The following TEX10 variants were observed in gnomAD, a reference collection of about 807,000 sequenced individuals.
The protein encoded by TEX10 is testis-expressed protein 10.
TEX10 carries 24 observed loss-of-function variants against 104.4 expected under a neutral mutation model. The ratio of observed to expected loss-of-function variants is 0.23; its 90% CI spans 0.17 to 0.32. The LOEUF is 0.32. Among genes scored for constraint, TEX10 ranks in the 10% least tolerant of loss-of-function variants. The probability of loss-of-function intolerance (pLI) is 1.00; values close to 1 mark genes in which losing one functional copy is unlikely to be tolerated. For synonymous variants in TEX10, 396 were observed against 393.4 expected, an observed-to-expected ratio of 1.01 and a Z score of -0.08; for missense variants, 921 against 1,083.9, an observed-to-expected ratio of 0.85 and a Z score of 2.11.
At chr9:100,348,345 T>C (rs1835353138) in intron 2 of TEX10, among the ~76,000 whole-genome samples, 1 of 152,256 alleles carries the variant, frequency 6.6e-6, no homozygotes, top group African/African-American at 2.4e-5. Context: ...ATTAAGGTGA[T>C]AGTAGCATAA....
At chr9:100,341,005 C>T (rs1378262120) in intron 4 of TEX10, among the ~76,000 whole-genome samples, 4 of 151,920 alleles carry the variant, frequency 2.6e-5, no homozygotes, top group African/African-American at 4.8e-5. Flanking sequence ...CTCGCTCTGT[C>T]GCCCAGGTCG....
chr9:100,322,057 C>G (rs1238390836), intron 9 of TEX10, among the ~76,000 whole-genome samples: 2 of 152,148 alleles, frequency 1.3e-5, no homozygotes, highest in East Asian at 3.8e-4. Flanking sequence ...AAATCAGACT[C>G]TAAGGAGCCA....
At chr9:100,347,963 A>C (rs567456748) in intron 2 of TEX10, among the ~76,000 whole-genome samples, 19 of 152,276 alleles carry the variant, frequency 1.2e-4, no homozygotes. Flanking sequence ...ACAAATATTC[A>C]TAACAGCATT....
intron 14 of TEX10, 106 bp downstream of exon 14, chr9:100,303,526 A>G: frequency 2.5e-6 from 3 of 1,213,446 alleles, no homozygotes; most frequent in Non-Finnish European, 3.6e-6. Context: ...CCTGGACTCA[A>G]TGTATGGGAT....
chr9:100,316,572 A>G (rs2118851743), intron 11 of TEX10, among the ~76,000 whole-genome samples: 2 of 152,282 alleles, frequency 1.3e-5, no homozygotes, highest in Middle Eastern at 3.4e-3. Context: ...CCAAATTGGA[A>G]AAGAGGAAGC....
At chr9:100,338,159 C>T (rs1006352699) in intron 5 of TEX10, among the ~76,000 whole-genome samples, 7 of 152,152 alleles carry the variant, frequency 4.6e-5, no homozygotes, top group Non-Finnish European at 7.4e-5. Context: ...AAGAGGAAGA[C>T]GGGACACTCT....
intron 13 of TEX10, 172 bp from the exon 14 acceptor site, chr9:100,304,014 CTAA>C: frequency 1.6e-6 from 1 of 633,238 alleles, no homozygotes; most frequent in Non-Finnish European, 2.8e-6. Context: ...CACACACACA[CTAA>C]ATACCTAGGA....
intron 1 of TEX10, among the ~76,000 whole-genome samples, chr9:100,350,116 T>C (rs1835404907): frequency 6.6e-6 from 1 of 152,200 alleles, no homozygotes; most frequent in Admixed American, 6.5e-5. Context: ...AATAAATAAC[T>C]CAGGCATAAC....
intron 4 of TEX10, among the ~76,000 whole-genome samples, chr9:100,341,515 C>A (rs62578358): frequency 1.9e-5 from 1 of 52,294 alleles, no homozygotes; most frequent in African/African-American, 1.1e-4. Context: ...ACACTGGCAT[C>A]ATCCTTGACT....
Position 100,307,348 on chromosome 9 carries a change from G to T in TEX10, c.2465+1152C>A, listed in dbSNP as rs183726883. On this transcript the variant is annotated intron_variant, in intron 13 of 14. Coordinates refer to ENST00000374902, the MANE Select transcript of TEX10 (RefSeq NM_017746.4). The stretch of plus-strand genomic sequence containing the variant: ...TCTATTGATGCTTTCACACTACCGT[G>T]GTAGTGCTGAGTAGCCATGACAGAG... 9.8e-5 allele frequency: 15 copies of T among 152,288 alleles called. No individual in the cohort carries two copies. The East Asian group carries it at 2.9e-3, about 29-fold the overall frequency. 9.4% of individuals were successfully genotyped at this position (152,288 alleles called of 1,614,324 possible).
At chr9:100,352,597 G>A (rs1311186367) in intron 1 of TEX10, 175 bp downstream of exon 1, 4 of 1,496,622 alleles carry the variant, frequency 2.7e-6, no homozygotes, top group Non-Finnish European at 3.6e-6. Flanking sequence ...CGCCCCCGCA[G>A]TGCCGGCCGC....
chr9:100,335,303 A>T (rs965076288), intron 5 of TEX10, among the ~76,000 whole-genome samples: 3 of 152,134 alleles, frequency 2.0e-5, no homozygotes, highest in African/African-American at 7.2e-5. Context: ...TCAGGGATCA[A>T]GCAATTTTCC....
chr9:100,326,556 C>T (rs1834709893), intron 8 of TEX10, 77 bp from the exon 9 acceptor site: 2 of 1,379,596 alleles, frequency 1.4e-6, no homozygotes, highest in African/African-American at 1.5e-5. Flanking sequence ...AGATCAATGA[C>T]TTCCATTGAA....
At chr9:100,332,091 A>G (rs1834876570) in intron 5 of TEX10, among the ~76,000 whole-genome samples, 1 of 152,238 alleles carries the variant, frequency 6.6e-6, no homozygotes, top group Admixed American at 6.5e-5. Context: ...GGAGATGGCC[A>G]ACAGATAATT....
At chr9:100,345,993 T>C in intron 4 of TEX10, 79 bp downstream of exon 4, 1 of 1,479,348 alleles carries the variant, frequency 6.8e-7, no homozygotes, top group Non-Finnish European at 9.1e-7. Context: ...CAATTAGTAG[T>C]AATGAGCTGA....
rs770324361 is a variant in TEX10, at chr9:100,346,225, T to C, written c.984A>G (p.Leu328=). ...GTACAGCTTCAACCCAGCATTCAAT[T>C]AGCAATGGAATTATTATCTCAATAA... The part of the protein sequence containing the change: ...KGFIEIIIPL[L]IECWVEAVPP... Residue 328 remains leucine, a synonymous_variant, in exon 4 of 15, where the codon CTA becomes CTG. Coordinates refer to ENST00000374902, the MANE Select transcript of TEX10 (RefSeq NM_017746.4). The C allele has an allele frequency of 1.2e-6, 2 of 1,613,884 alleles. No individual in the cohort carries two copies. The highest frequency in any genetic ancestry group is 1.3e-5 in the African/African-American group (1 of 74,902).
At chr9:100,321,614 AT>A in intron 10 of TEX10, 68 bp downstream of exon 10, 1 of 1,298,332 alleles carries the variant, frequency 7.7e-7, no homozygotes, top group Non-Finnish European at 1.1e-6. Flanking sequence ...AAAATGGCAA[AT>A]CTTAGAAGGA....
rs1834813997 is a variant in TEX10 at position 100,329,928 on chromosome 9, T to C, written c.1489+3A>G. On this transcript the variant is annotated splice_donor_region_variant and intron_variant, in intron 6 of 14. Coordinates refer to ENST00000374902, the MANE Select transcript of TEX10 (RefSeq NM_017746.4). ...TAAATAAGGGCAAAGTAGCATCACCTACCTCTGTTTGGCTGTATTTGCATT... is the reference window on the plus strand; with the variant it reads ...TAAATAAGGGCAAAGTAGCATCACCCACCTCTGTTTGGCTGTATTTGCATT... The C allele has an allele frequency of 2.5e-6, 4 of 1,604,876 alleles. No homozygotes were observed. The East Asian group carries it at 8.9e-5, about 36-fold the overall frequency.
chr9:100,313,845 C>CA (rs34304010), intron 11 of TEX10, among the ~76,000 whole-genome samples: 1,139 of 90,596 alleles, frequency 0.013, 5 homozygotes, highest in South Asian at 0.038. Context: ...ACTGTGTTTC[C>CA]AAAAAAAAAA....
Sources: gnomAD v4.1 joint callset for allele counts (sites outside exome capture counted in the v4.1 genomes callset) on GRCh38, gnomAD v4.1.1 for gene constraint, MANE v1.5 for transcripts, NCBI Gene and HGNC (gene_info 2026-07-23, HGNC 2026-07-21) for gene names.